ADAMDEC1: variants seen among roughly 807,000 people sequenced by gnomAD.
The protein encoded by ADAMDEC1 is ADAM like decysin 1.
ADAMDEC1 carries 62 observed loss-of-function variants against 60.4 expected under a neutral mutation model. The ratio of observed to expected loss-of-function variants is 1.03; its 90% confidence interval spans 0.84 to 1.27. The LOEUF is 1.27. ADAMDEC1 is among the 50% of genes most tolerant of loss of function. ADAMDEC1 has a pLI of 0.00. For synonymous variants in ADAMDEC1, 210 were observed against 195.1 expected (o/e 1.08, Z -0.64); for missense variants, 595 against 565.0 (o/e 1.05, Z -0.54).
intron 1 of ADAMDEC1, among the ~76,000 whole-genome samples, chr8:24,388,308 C>T (rs763472823): frequency 3.9e-5 from 6 of 152,264 alleles, no homozygotes; most frequent in South Asian, 2.1e-4. Flanking sequence ...AATCTTCAAA[C>T]GTACTGTCTA....
Position 24,404,019 on chromosome 8 carries a change from G to T in ADAMDEC1, c.1337G>T (p.Cys446Phe). The T allele has an allele frequency of 3.7e-6, 6 of 1,613,604 alleles. No individual in the cohort carries two copies. The highest frequency in any genetic ancestry group is 5.1e-6 in the Non-Finnish European group (6 of 1,179,730). ...CGSPKECTNL[C>F]CEALTCKLKP... is the part of the protein sequence containing the mutation. The stretch of plus-strand genomic sequence containing the variant: ...GCTTTGAAGGAGTGTACCAATCTCT[G>T]CTGTGAAGCCCTAACGTGTAAACTG... Residue 446 changes from cysteine (C) to phenylalanine (F), a missense_variant, in exon 13 of 14, where the codon TGC (cysteine) becomes TTC (phenylalanine). Cys to Phe is a radical substitution (Grantham distance 205). Transcript: ENST00000256412.
Position 24,405,364 on chromosome 8 carries a change from C to T in ADAMDEC1, c.*66C>T. On this transcript the variant is annotated 3_prime_UTR_variant, in exon 14 of 14. Transcript: ENST00000256412. ...CAAGAACCAAGAACTCTAACTGTCC[C>T]AGGAATCTTGTGAATTTTCACCCAT... 1 of 1,572,772 alleles carries T rather than the reference C, an allele frequency of 6.4e-7. No individual in the cohort carries two copies. The highest frequency in any genetic ancestry group is 8.7e-7 in the Non-Finnish European group (1 of 1,149,368).
intron 3 of ADAMDEC1, 78 bp downstream of exon 3, chr8:24,393,416 AGTGTG>A: frequency 9.6e-7 from 1 of 1,036,756 alleles, no homozygotes; most frequent in Non-Finnish European, 1.4e-6. Flanking sequence ...GGCTCCATTT[AGTGTG>A]GTTTGACATA....
Position 24,394,159 on chromosome 8 carries a change from A to G in ADAMDEC1, c.363+12A>G. ...AACCTGAGAACATGGTAGGGTCCGA[A>G]TACTTTGTGGGTCTCTTTTGAGTTT... On this transcript the variant is annotated intron_variant, in intron 4 of 13. Coordinates refer to ENST00000256412, the MANE Select transcript of ADAMDEC1 (RefSeq NM_014479.3). The G allele has an allele frequency of 6.3e-7, 1 of 1,593,874 alleles. No homozygotes were observed. The highest frequency in any genetic ancestry group is 1.1e-5 in the South Asian group (1 of 90,616).
At chr8:24,389,136 G>A (rs1160352063) in intron 1 of ADAMDEC1, among the ~76,000 whole-genome samples, 1 of 152,110 alleles carries the variant, frequency 6.6e-6, no homozygotes, top group East Asian at 1.9e-4. Context: ...CCAGAACAGG[G>A]ATTAATCAGA....
chr8:24,395,634 A>G, intron 4 of ADAMDEC1, 86 bp from the exon 5 acceptor site: 3 of 879,448 alleles, frequency 3.4e-6, no homozygotes, highest in Non-Finnish European at 5.3e-6. Context: ...TGATACATGT[A>G]TTCTCATAGT....
chr8:24,401,846 T>G (rs895999591), intron 11 of ADAMDEC1, 69 bp from the exon 12 acceptor site: 18 of 1,257,776 alleles, frequency 1.4e-5, no homozygotes, highest in Non-Finnish European at 1.9e-5. Flanking sequence ...TTCTTTATCT[T>G]TATTCTGTGT....
intron 1 of ADAMDEC1, among the ~76,000 whole-genome samples, chr8:24,386,429 T>C (rs1048481720): frequency 8.3e-4 from 126 of 152,206 alleles, no homozygotes; most frequent in Non-Finnish European, 1.7e-3. Flanking sequence ...GCATTACATT[T>C]GTATTGCTTT....
chr8:24,395,458 T>C (rs943861642), intron 4 of ADAMDEC1, among the ~76,000 whole-genome samples: 3 of 152,186 alleles, frequency 2.0e-5, no homozygotes, highest in Non-Finnish European at 2.9e-5. Context: ...TTAGTGTAAA[T>C]TAATGTCAGA....
rs777561925 is a variant in ADAMDEC1, at chr8:24,398,968, C to T, written c.857C>T (p.Thr286Met). ...AAGGTGGTGCCCAGCGCAAGCACCA[C>T]GTTTGACAACTTCCTGAGATGGCAC... ...KIKVVPSAST[T>M]FDNFLRWHSS... is the part of the protein sequence containing the mutation. Residue 286 changes from threonine to methionine, a missense_variant, in exon 9 of 14, where the codon ACG becomes ATG. Physicochemically the swap from Thr to Met is moderately conservative, Grantham distance 81. Coordinates refer to ENST00000256412, the MANE Select transcript of ADAMDEC1 (RefSeq NM_014479.3). 1.6e-5 allele frequency: 26 copies of T among 1,613,692 alleles called. No individual in the cohort carries two copies. The highest frequency in any genetic ancestry group is 1.6e-4 in the East Asian group (7 of 44,814).
At chr8:24,388,678 T>C (rs1379147019) in intron 1 of ADAMDEC1, among the ~76,000 whole-genome samples, 1 of 152,178 alleles carries the variant, frequency 6.6e-6, no homozygotes, top group African/African-American at 2.4e-5. Flanking sequence ...ATCTAATCTT[T>C]AGCTTTAAGT....
intron 12 of ADAMDEC1, among the ~76,000 whole-genome samples, chr8:24,403,390 TTC>T (rs149757580): frequency 0.014 from 2,154 of 152,084 alleles, 61 homozygotes; most frequent in African/African-American, 0.05. Flanking sequence ...AAAATAAGCT[TTC>T]TGTCTAGATA....
chr8:24,393,339 G>GT lies in ADAMDEC1; in HGVS notation c.284+2dup. On this transcript the variant is annotated splice_donor_variant, in intron 3 of 13. Transcript: ENST00000256412. LOFTEE classifies it high-confidence loss of function. ...TCATTCTCTCCCTACAAAAAACCAA[G>GT]TAAGTTGTACCTCCTAAAAGTCTAA... is the stretch of plus-strand genomic sequence containing the variant. The GT allele has an allele frequency of 6.3e-7, 1 of 1,584,692 alleles. No individual in the cohort carries two copies. The highest frequency in any genetic ancestry group is 2.3e-5 in the East Asian group (1 of 44,240).
intron 5 of ADAMDEC1, 62 bp downstream of exon 5, chr8:24,395,858 C>A: frequency 7.9e-7 from 1 of 1,267,914 alleles, no homozygotes; most frequent in Non-Finnish European, 1.1e-6. Context: ...GAATTAAGGG[C>A]TACTAGATAT....
intron 13 of ADAMDEC1, among the ~76,000 whole-genome samples, chr8:24,404,691 G>A (rs1817846366): frequency 6.6e-6 from 1 of 152,064 alleles, no homozygotes. Flanking sequence ...AAAAATAGGG[G>A]AAAGACTCAG....
intron 1 of ADAMDEC1, among the ~76,000 whole-genome samples, chr8:24,384,925 T>C (rs1817255801): frequency 6.6e-6 from 1 of 152,222 alleles, no homozygotes; most frequent in Non-Finnish European, 1.5e-5. Context: ...CCATTCATTA[T>C]GTCTTTTCTC....
In ADAMDEC1 at chr8:24,397,465, A is replaced by C. The variant is rs202029343; in HGVS notation, c.627+9A>C. The C allele has an allele frequency of 2.2e-5, 36 of 1,611,744 alleles. No homozygotes were observed. The Middle Eastern group carries it at 9.9e-4, about 44-fold the overall frequency. ...CACTCAAAAGCCCAGAGGTGAATAC[A>C]ATTCCCTTACCTCATCATTTACTTC... is the stretch of plus-strand genomic sequence containing the variant. On this transcript the variant is annotated intron_variant, in intron 6 of 13. Coordinates refer to ENST00000256412, the MANE Select transcript of ADAMDEC1 (RefSeq NM_014479.3).
intron 4 of ADAMDEC1, 48 bp from the exon 5 acceptor site, chr8:24,395,672 A>C: frequency 7.9e-7 from 1 of 1,258,204 alleles, no homozygotes; most frequent in Non-Finnish European, 1.2e-6. Context: ...ACTCACATAC[A>C]CACACACACA....
chr8:24,400,821 G>T (rs1248521811), intron 11 of ADAMDEC1, among the ~76,000 whole-genome samples: 1 of 126,430 alleles, frequency 7.9e-6, no homozygotes, highest in Admixed American at 1.1e-4. Context: ...AGTGTGTGAT[G>T]TTCCCCTTCC....
Sources: gnomAD v4.1 joint callset for allele counts (sites outside exome capture counted in the v4.1 genomes callset) on GRCh38, gnomAD v4.1.1 for gene constraint, MANE v1.5 for transcripts, NCBI Gene and HGNC (gene_info 2026-07-23, HGNC 2026-07-21) for gene names.